The following DMD variants were observed in gnomAD, a reference collection of about 807,000 sequenced individuals.
DMD encodes the protein dystrophin, also known as mutant dystrophin.
Under a neutral mutation model 330.1 loss-of-function variants are expected in DMD, and 63 were observed. The ratio of observed to expected loss-of-function variants is 0.19; its 90% CI spans 0.16 to 0.24. DMD has a LOEUF of 0.24. Among genes scored for constraint, DMD ranks in the 10% least tolerant of loss-of-function variants. The probability of loss-of-function intolerance (pLI) is 1.00; values close to 1 mark genes in which losing one functional copy is unlikely to be tolerated. For missense variants in DMD, 3,344 were observed against 2,684.1 expected (o/e 1.25, Z -5.43); for synonymous variants, 1,223 against 959.8 (o/e 1.27, Z -5.07).
chrX:31,435,889 A>G (rs762069741), intron 60 of DMD, among the ~76,000 whole-genome samples: 1 of 111,710 alleles, frequency 9.0e-6, no homozygotes, highest in Admixed American at 9.6e-5. Context: ...AGGGAAGGAG[A>G]GAGGTCAGCC....
At chrX:31,413,474 C>T (rs964451094) in intron 60 of DMD, among the ~76,000 whole-genome samples, 3 of 111,703 alleles carry the variant, frequency 2.7e-5, no homozygotes, top group African/African-American at 9.8e-5. Context: ...TGTGTTGACT[C>T]CCATTCTCAC....
At chrX:32,412,498 G>C (rs1224952774) in intron 29 of DMD, among the ~76,000 whole-genome samples, 1 of 111,956 alleles carries the variant, frequency 8.9e-6, no homozygotes, top group Non-Finnish European at 1.9e-5. Context: ...GAAATTGTTT[G>C]TACAATTGGG....
chrX:31,573,381 T>C (rs1482225522), intron 55 of DMD, among the ~76,000 whole-genome samples: 2 of 111,922 alleles, frequency 1.8e-5, no homozygotes, highest in African/African-American at 3.2e-5. Flanking sequence ...TGGCTCAAAC[T>C]AATACTTTAA....
chrX:32,054,187 TTTC>T (rs1436609178), intron 44 of DMD, among the ~76,000 whole-genome samples: 4 of 100,903 alleles, frequency 4.0e-5, no homozygotes, highest in Admixed American at 1.0e-4. Context: ...AAGGAGGTAT[TTTC>T]TTCTTTTTTT....
At chrX:32,652,446 T>A (rs1418872402) in intron 9 of DMD, among the ~76,000 whole-genome samples, 1 of 109,502 alleles carries the variant, frequency 9.1e-6, no homozygotes, top group Non-Finnish European at 1.9e-5. Flanking sequence ...TTCATCCATG[T>A]CCCTACAAAG....
At chrX:31,646,851 G>A (rs1243212409) in intron 54 of DMD, among the ~76,000 whole-genome samples, 2 of 112,160 alleles carry the variant, frequency 1.8e-5, no homozygotes, top group African/African-American at 6.5e-5. Context: ...AGGCTTCACT[G>A]CACTTCTTCG....
At chrX:32,949,680 T>A (rs1021307339) in intron 2 of DMD, among the ~76,000 whole-genome samples, 2 of 111,274 alleles carry the variant, frequency 1.8e-5, no homozygotes, top group African/African-American at 6.5e-5. Context: ...ATCCTTGGGA[T>A]GGGAAACACA....
Position 32,670,197 on chromosome X carries a change from AGTGTCT to A in DMD, c.961-25051_961-25046del, listed in dbSNP as rs765328402. Among the ~76,000 whole-genome samples the A allele has an allele frequency of 1.8e-4, 20 of 111,820 alleles. No individual in the cohort carries two copies. The South Asian group carries it at 7.4e-3, about 42-fold the overall frequency. ...TACTGTGTCTTAAAGCAGCTGTAAG[AGTGTCT>A]GTCTCCTCTCTAGTGCATAAAGAAC... On this transcript the variant is annotated intron_variant, in intron 9 of 78. Transcript: ENST00000357033.
intron 7 of DMD, among the ~76,000 whole-genome samples, chrX:32,769,945 G>A (rs746173880): frequency 5.4e-5 from 6 of 111,757 alleles, no homozygotes; most frequent in African/African-American, 1.9e-4. Flanking sequence ...TGAACACATA[G>A]TCATCACCAA....
chrX:32,689,644 A>G (rs2063128322), intron 9 of DMD, among the ~76,000 whole-genome samples: 1 of 111,029 alleles, frequency 9.0e-6, no homozygotes, highest in African/African-American at 3.3e-5. Context: ...TATAGAGGCA[A>G]AATTCTCAAC....
In DMD at chrX:32,415,499, C is replaced by A. The variant is rs111273964; in HGVS notation, c.4072-3586G>T. Among the ~76,000 whole-genome samples the A allele has an allele frequency of 6.6e-3, 740 of 112,323 alleles. 5 individuals are homozygous for A. Among genetic ancestry groups the A allele is most frequent in the African/African-American group, 0.023 (704 of 30,959 alleles). ...TTCTAAACATCTGATTAGGCGCACC[C>A]TGATGGAATGTCAGGCTTATGAATT... On this transcript the variant is annotated intron_variant, in intron 29 of 78. Coordinates refer to ENST00000357033, the MANE Select transcript of DMD (RefSeq NM_004006.3).
intron 44 of DMD, among the ~76,000 whole-genome samples, chrX:32,059,618 G>A (rs776931854): frequency 2.3e-4 from 26 of 111,325 alleles, no homozygotes; most frequent in African/African-American, 7.8e-4. Flanking sequence ...TTTAAATTCC[G>A]AAATATTTAG....
At chrX:32,617,815 A>T in intron 11 of DMD, among the ~76,000 whole-genome samples, 1 of 111,730 alleles carries the variant, frequency 9.0e-6, no homozygotes, top group African/African-American at 3.2e-5. Flanking sequence ...AAATATTTGC[A>T]AACTATATAT....
At chrX:31,681,689 A>C in intron 52 of DMD, among the ~76,000 whole-genome samples, 1 of 112,937 alleles carries the variant, frequency 8.9e-6, no homozygotes, top group East Asian at 2.8e-4. Flanking sequence ...GACAAACAAA[A>C]TGTATATGGC....
intron 59 of DMD, among the ~76,000 whole-genome samples, chrX:31,475,639 C>A (rs1477821945): frequency 8.9e-6 from 1 of 111,983 alleles, no homozygotes; most frequent in African/African-American, 3.2e-5. Context: ...ATATTTAATG[C>A]TTTTAAAATA....
At chrX:32,488,259 T>G (rs1348778184) in intron 20 of DMD, among the ~76,000 whole-genome samples, 2 of 111,669 alleles carry the variant, frequency 1.8e-5, no homozygotes, top group Non-Finnish European at 3.8e-5. Flanking sequence ...TCCTCCAGAG[T>G]ATGGTATCTC....
intron 61 of DMD, among the ~76,000 whole-genome samples, chrX:31,333,391 G>A (rs936407588): frequency 2.5e-4 from 24 of 95,302 alleles, no homozygotes; most frequent in African/African-American, 8.9e-4. Context: ...TAAGACATAA[G>A]CCTTGCTGCC....
chrX:33,007,724 A>C (rs1442380127), intron 2 of DMD, among the ~76,000 whole-genome samples: 1 of 111,630 alleles, frequency 9.0e-6, no homozygotes, highest in African/African-American at 3.3e-5. Flanking sequence ...GATATGAAAT[A>C]GATAGAGAAT....
chrX:31,455,565 CAT>C (rs2066098503), intron 59 of DMD, among the ~76,000 whole-genome samples: 1 of 112,316 alleles, frequency 8.9e-6, no homozygotes, highest in South Asian at 3.7e-4. Context: ...AGAAACCTGA[CAT>C]AGAGTTCCTA....
Sources: gnomAD v4.1 joint callset for allele counts (sites outside exome capture counted in the v4.1 genomes callset) on GRCh38, gnomAD v4.1.1 for gene constraint, MANE v1.5 for transcripts, NCBI Gene and HGNC (gene_info 2026-07-23, HGNC 2026-07-21) for gene names.